The following BCAS3 variants were observed in gnomAD, a reference collection of about 807,000 sequenced individuals.
BCAS3 encodes BCAS4/BCAS3 fusion.
BCAS3 carries 53 observed loss-of-function variants against 116.1 expected under a neutral mutation model. The ratio of observed to expected loss-of-function variants is 0.46; its 90% confidence interval spans 0.37 to 0.57. The LOEUF (loss-of-function observed/expected upper bound fraction) is 0.57, where lower values mean the gene tolerates loss of function less well. Among genes scored for constraint, BCAS3 ranks in the 20% least tolerant of loss-of-function variants. The pLI, the probability that BCAS3 is intolerant of heterozygous loss-of-function variation, is 0.00. For missense variants in BCAS3, 917 were observed against 1,165.4 expected (o/e 0.79, Z 3.10); for synonymous variants, 391 against 408.2 (o/e 0.96, Z 0.51).
intron 1 of BCAS3, among the ~76,000 whole-genome samples, chr17:60,678,873 G>A (rs1045277490): frequency 6.6e-6 from 1 of 152,124 alleles, no homozygotes; most frequent in Admixed American, 6.6e-5. Flanking sequence ...ACAGACCAAG[G>A]GGTACAGCAG....
intron 12 of BCAS3, among the ~76,000 whole-genome samples, chr17:60,921,044 A>G (rs1227456314): frequency 6.6e-6 from 1 of 152,170 alleles, no homozygotes; most frequent in Non-Finnish European, 1.5e-5. Context: ...CTACCACTTG[A>G]CCCAGCAATC....
chr17:61,159,645 T>C (rs2078049857), intron 22 of BCAS3, among the ~76,000 whole-genome samples: 1 of 152,224 alleles, frequency 6.6e-6, no homozygotes, highest in Non-Finnish European at 1.5e-5. Context: ...AAAACACCCT[T>C]GCCTTCATCT....
At chr17:60,714,481 T>C (rs1488339081) in intron 5 of BCAS3, among the ~76,000 whole-genome samples, 2 of 152,094 alleles carry the variant, frequency 1.3e-5, no homozygotes, top group African/African-American at 4.8e-5. Flanking sequence ...CTAGCCAACA[T>C]GGTGAAACTC....
At chr17:60,773,935 C>T (rs2045011103) in intron 6 of BCAS3, among the ~76,000 whole-genome samples, 1 of 152,236 alleles carries the variant, frequency 6.6e-6, no homozygotes, top group Non-Finnish European at 1.5e-5. Flanking sequence ...GTGTGAGCCA[C>T]TTTGCCCGGC....
intron 5 of BCAS3, among the ~76,000 whole-genome samples, chr17:60,737,780 T>TTTA (rs961269459): frequency 2.0e-5 from 3 of 151,738 alleles, no homozygotes; most frequent in Non-Finnish European, 2.9e-5. Flanking sequence ...TATTTTTTAT[T>TTTA]TTATTATTAT....
At chr17:60,687,519 G>A (rs574845069) in intron 3 of BCAS3, among the ~76,000 whole-genome samples, 4 of 152,296 alleles carry the variant, frequency 2.6e-5, no homozygotes, top group South Asian at 2.1e-4. Flanking sequence ...TGGGTGGACC[G>A]TTTGAGCCCA....
Position 60,992,230 on chromosome 17 carries a change from A to ACACACACACT in BCAS3, c.1486+1996_1486+1997insACACACACTC, listed in dbSNP as rs748676282. ...CACACACACACACACACACACACAC[A>ACACACACACT]CTCTGTAGGAAGCTTAAAGATAGAC... On this transcript the variant is annotated intron_variant, in intron 15 of 23. Coordinates refer to ENST00000407086, the MANE Select transcript of BCAS3 (RefSeq NM_017679.5). Among the ~76,000 whole-genome samples the ACACACACACT allele has an allele frequency of 4.6e-3, 673 of 147,136 alleles. 4 individuals carry two copies. Among genetic ancestry groups the ACACACACACT allele is most frequent in the East Asian group, 0.042 (213 of 5,012 alleles).
At chr17:60,810,961 G>A (rs1304191553) in intron 7 of BCAS3, 1 of 679,526 alleles carries the variant, frequency 1.5e-6, no homozygotes, top group East Asian at 2.9e-5. Context: ...GAACCAAGAG[G>A]AGCTGGACAA....
At chr17:61,153,002 C>A (rs535685195) in intron 22 of BCAS3, among the ~76,000 whole-genome samples, 6 of 152,286 alleles carry the variant, frequency 3.9e-5, no homozygotes, top group Admixed American at 3.9e-4. Context: ...TACAGTTTTT[C>A]TTGTCCTCCT....
At chr17:61,338,473 A>C (rs2056893817) in intron 22 of BCAS3, among the ~76,000 whole-genome samples, 1 of 142,482 alleles carries the variant, frequency 7.0e-6, no homozygotes, top group Non-Finnish European at 1.5e-5. Context: ...TTCCTGTTTT[A>C]TTGTGTTTGA....
chr17:61,213,945 G>A lies in BCAS3; in HGVS notation c.2425+129381G>A, dbSNP rs1003670757. 3.3e-5 allele frequency among the ~76,000 whole-genome samples: 5 copies of A among 152,146 alleles called. No homozygotes were observed. Among genetic ancestry groups the A allele is most frequent in the Non-Finnish European group, 5.9e-5 (4 of 68,034 alleles). On this transcript the variant is annotated intron_variant, in intron 22 of 23. Transcript: ENST00000407086. This position sits in a 1 kb window ranked among gnomAD's most constrained non-coding sequence, Gnocchi z 5.4. ...TGTAGTGCAGAGGGAAGACAAGTGA[G>A]GAATTATGGCAGCCAAATGTCTCCC...
chr17:61,230,074 G>A (rs1446896492), intron 22 of BCAS3, among the ~76,000 whole-genome samples: 1 of 152,060 alleles, frequency 6.6e-6, no homozygotes, highest in Admixed American at 6.5e-5. Context: ...GCAGTGAGCT[G>A]AGATCATGCC....
rs201556656 is a variant in BCAS3, at chr17:60,902,642, G to A, written c.761G>A (p.Arg254His). ...CAGTTGATTCGATGTCATCAGTCCCGTGGTGGAGCCTGTGGAGACAACATT... is the reference window on the plus strand; with the variant it reads ...CAGTTGATTCGATGTCATCAGTCCCATGGTGGAGCCTGTGGAGACAACATT... ...ENKLIRCHQS[R>H]GGACGDNIQS... The change falls in exon 11 of 24, where the codon CGT becomes CAT. Residue 254 changes from arginine to histidine, a missense_variant. By Grantham distance (29) the Arg-to-His change is conservative (BLOSUM62 0). Around this residue, in one of 3 missense-constraint regions of BCAS3, gnomAD observed 807 missense variants for 1,026.0 expected, o/e 0.79. Coordinates refer to ENST00000407086, the MANE Select transcript of BCAS3 (RefSeq NM_017679.5). 72 of 1,612,480 alleles carry A rather than the reference G, an allele frequency of 4.5e-5. 1 individual carries two copies. The highest frequency in any genetic ancestry group is 2.8e-4 in the African/African-American group (21 of 74,982).
In BCAS3 at chr17:61,388,756, C is replaced by T; in HGVS notation, c.2594-3221C>T. ...GCCGCTTGCTCGTAGGGCTGGGCGGCCGGGATGACTTGGAGGGGGGAATCT... is the reference window on the plus strand; with the variant it reads ...GCCGCTTGCTCGTAGGGCTGGGCGGTCGGGATGACTTGGAGGGGGGAATCT... On this transcript the variant is annotated intron_variant, in intron 23 of 23. Transcript: ENST00000407086. The surrounding 1 kb of genome is among the most constrained non-coding windows in gnomAD (Gnocchi z 6.5). 6.6e-7 allele frequency: 1 copy of T among 1,509,246 alleles called. No individual in the cohort carries two copies. The highest frequency in any genetic ancestry group is 8.9e-7 in the Non-Finnish European group (1 of 1,125,606). The allele number at this position is 1,509,246 out of a possible 1,614,324, so 93.5% of individuals were successfully genotyped here.
Position 61,243,150 on chromosome 17 carries a change from T to G in BCAS3, c.2426-125177T>G, listed in dbSNP as rs1483892902. 6.6e-6 allele frequency among the ~76,000 whole-genome samples: 1 copy of G among 152,118 alleles called. No individual in the cohort carries two copies. Among genetic ancestry groups the G allele is most frequent in the Non-Finnish European group, 1.5e-5 (1 of 67,976 alleles). ...TGGCCTCCATCTCCTGACCTCGTGA[T>G]CCGCCCGCCACGGCCTCCCAAAGTG... is the stretch of plus-strand genomic sequence containing the variant. On this transcript the variant is annotated intron_variant, in intron 22 of 23. Transcript: ENST00000407086. This position sits in a 1 kb window ranked among gnomAD's most constrained non-coding sequence, Gnocchi z 5.6.
chr17:60,717,215 T>C (rs1951174349), intron 5 of BCAS3, among the ~76,000 whole-genome samples: 1 of 142,276 alleles, frequency 7.0e-6, no homozygotes, highest in Admixed American at 6.9e-5. Context: ...CTTCTTCTTC[T>C]TCTTTTTTTT....
chr17:61,062,523 G>A (rs1304323611), intron 19 of BCAS3, among the ~76,000 whole-genome samples: 2 of 152,156 alleles, frequency 1.3e-5, no homozygotes, highest in African/African-American at 4.8e-5. Flanking sequence ...TACATACAGT[G>A]CAGTTGTACT....
rs34316965 is a variant in BCAS3, at chr17:61,179,273, CT to C, written c.2425+94726del. Among the ~76,000 whole-genome samples, 1,183 of 129,866 alleles carry C rather than the reference CT, an allele frequency of 9.1e-3. 8 individuals carry two copies. The highest frequency in any genetic ancestry group is 0.028 in the African/African-American group (969 of 34,544). The allele number at this position is 129,866 out of a possible 152,430, so 85.2% of individuals were successfully genotyped here. On this transcript the variant is annotated intron_variant, in intron 22 of 23. Coordinates refer to ENST00000407086, the MANE Select transcript of BCAS3 (RefSeq NM_017679.5). ...AGACTCCTATTGTCAAAGAAAAAGCCTTTTTTTTTTTTTTTTTAATCTACAA... is the reference window on the plus strand; with the variant it reads ...AGACTCCTATTGTCAAAGAAAAAGCCTTTTTTTTTTTTTTTTAATCTACAA...
chr17:61,037,505 C>T lies in BCAS3; in HGVS notation c.1763-384C>T, dbSNP rs1245044623. ...AATTCCTGTCGTCTGAGCATGGTGG[C>T]TCACGCCTTTAATCCCAGCACTTTG... On this transcript the variant is annotated intron_variant, in intron 17 of 23. Coordinates refer to ENST00000407086, the MANE Select transcript of BCAS3 (RefSeq NM_017679.5). The surrounding 1 kb of genome is among the most constrained non-coding windows in gnomAD (Gnocchi z 4.7). Among the ~76,000 whole-genome samples, 1 of 152,230 alleles carries T rather than the reference C, an allele frequency of 6.6e-6. No individual in the cohort carries two copies. Among genetic ancestry groups the T allele is most frequent in the Non-Finnish European group, 1.5e-5 (1 of 68,048 alleles).
Sources: allele counts gnomAD v4.1 joint callset (sites outside exome capture counted in the v4.1 genomes callset), GRCh38; gene constraint gnomAD v4.1.1; regional missense constraint gnomAD v4.1.1; non-coding constraint Gnocchi (gnomAD v3.1); transcripts MANE v1.5; gene names NCBI Gene and HGNC (gene_info 2026-07-23, HGNC 2026-07-21).